Variants in PREPL observed in about 807,000 individuals in gnomAD.
The protein encoded by PREPL is prolyl endopeptidase like.
Under a neutral mutation model 70.6 loss-of-function variants are expected in PREPL, and 77 were observed. The observed-to-expected ratio is 1.09, with a 90% CI of 0.91 to 1.32. PREPL has a LOEUF of 1.32. Among genes scored for constraint, PREPL ranks in the 40% most tolerant of loss-of-function variants. The pLI, the probability that PREPL is intolerant of heterozygous loss-of-function variation, is 0.00. For synonymous variants in PREPL, 315 were observed against 264.8 expected (o/e 1.19, Z -1.84); for missense variants, 1,002 against 778.2 (o/e 1.29, Z -3.42).
intron 10 of PREPL, among the ~76,000 whole-genome samples, chr2:44,325,086 T>G (rs773337214): frequency 6.6e-6 from 1 of 152,166 alleles, no homozygotes; most frequent in Non-Finnish European, 1.5e-5. Flanking sequence ...TTTTTTGCAT[T>G]TGAAAAACCT....
Position 44,332,625 on chromosome 2 carries a change from T to A in PREPL, c.920A>T (p.Asp307Val), listed in dbSNP as rs1674235649. Residue 307 changes from aspartate (D) to valine (V), a missense_variant, in exon 8 of 14, where the codon GAT becomes GTT. By Grantham distance (152) the Asp-to-Val change is radical. Transcript: ENST00000409411. ...LPPWACGFIM[D>V]TNSDPKNCPF... is the part of the protein sequence containing the mutation. ...GCAGTTCTTTGGGTCAGAATTTGTA[T>A]CCATTATGAATCCACAGGCCCAAGG... 4.3e-6 allele frequency: 7 copies of A among 1,613,868 alleles called. No homozygotes were observed. The highest frequency in any genetic ancestry group is 1.3e-5 in the African/African-American group (1 of 75,036).
intron 1 of PREPL, among the ~76,000 whole-genome samples, chr2:44,359,067 C>CTTTTTT (rs35700374): frequency 2.1e-5 from 2 of 94,494 alleles, no homozygotes; most frequent in African/African-American, 4.1e-5. Context: ...TATGTATACA[C>CTTTTTT]TTTTTTTTTT....
intron 11 of PREPL, 144 bp from the exon 12 acceptor site, chr2:44,322,998 G>T (rs1673133148): frequency 1.7e-6 from 2 of 1,149,564 alleles, no homozygotes; most frequent in Non-Finnish European, 2.4e-6. Context: ...GAGCGCCTCA[G>T]TATTACAGTA....
Position 44,343,970 on chromosome 2 carries a change from G to A in PREPL, c.143-19C>T, listed in dbSNP as rs10514790. On this transcript the variant is annotated intron_variant, in intron 3 of 13. Transcript: ENST00000409411. ...TTGTCTGCTGTATAAAGAAAAATAC[G>A]AAAGTGATAACTTCAAAGGATGTAC... 92,525 of 1,607,252 alleles carry A rather than the reference G, an allele frequency of 0.058. 3,126 individuals are homozygous for A. The highest frequency in any genetic ancestry group is 0.12 in the South Asian group (10,747 of 89,836).
At chr2:44,324,471 G>C (rs1168015585) in intron 10 of PREPL, among the ~76,000 whole-genome samples, 2 of 151,994 alleles carry the variant, frequency 1.3e-5, no homozygotes, top group Non-Finnish European at 2.9e-5. Context: ...TGACCAGTTG[G>C]ACATTTTATA....
chr2:44,336,073 T>C (rs1422912281), intron 7 of PREPL, among the ~76,000 whole-genome samples: 2 of 152,038 alleles, frequency 1.3e-5, no homozygotes, highest in Non-Finnish European at 1.5e-5. Flanking sequence ...GGTGAGGCTG[T>C]AGAAAAAAGG....
At position 44,319,525 on chromosome 2, in the gene PREPL, C is replaced by T. The variant is rs1289437424; in HGVS notation, c.*1831G>A. On this transcript the variant is annotated 3_prime_UTR_variant, in exon 14 of 14. Transcript: ENST00000409411. ...GGAGGCTATATTATATAGTCAATAA[C>T]AGAAAATGCTTGAAAGGTTAGAAGT... 1.3e-5 allele frequency: 2 copies of T among 152,202 alleles called. No individual in the cohort carries two copies. Among genetic ancestry groups the T allele is most frequent in the East Asian group, 3.8e-4 (2 of 5,210 alleles). The allele number at this position is 152,202 out of a possible 1,614,324, so 9.4% of individuals were successfully genotyped here.
chr2:44,324,841 C>T (rs534258632), intron 10 of PREPL, among the ~76,000 whole-genome samples: 9 of 152,058 alleles, frequency 5.9e-5, no homozygotes, highest in African/African-American at 9.7e-5. Flanking sequence ...GAGCTGTGTT[C>T]GTGTGCCATT....
intron 1 of PREPL, among the ~76,000 whole-genome samples, chr2:44,358,802 G>C (rs1048485871): frequency 2.6e-5 from 4 of 151,984 alleles, no homozygotes; most frequent in African/African-American, 4.8e-5. Context: ...GGTCAAAAAC[G>C]CAAGATTATT....
At chr2:44,350,787 A>C (rs527932068) in intron 1 of PREPL, among the ~76,000 whole-genome samples, 58 of 152,196 alleles carry the variant, frequency 3.8e-4, no homozygotes, top group Non-Finnish European at 7.1e-4. Flanking sequence ...TGCAAAAGTT[A>C]ATGTTCAGTA....
intron 9 of PREPL, among the ~76,000 whole-genome samples, chr2:44,327,328 T>C (rs1673614028): frequency 6.6e-6 from 1 of 152,128 alleles, no homozygotes; most frequent in Non-Finnish European, 1.5e-5. Context: ...CAATGTGGTG[T>C]CATTGCTACA....
chr2:44,322,360 T>A (rs539685734), intron 12 of PREPL, among the ~76,000 whole-genome samples: 2 of 152,192 alleles, frequency 1.3e-5, no homozygotes, highest in South Asian at 4.1e-4. Context: ...TGGGCACTGA[T>A]GGCCCAAAAC....
chr2:44,320,154 T>C lies in PREPL; in HGVS notation c.*1202A>G, dbSNP rs1420104937. On this transcript the variant is annotated 3_prime_UTR_variant, in exon 14 of 14. Transcript: ENST00000409411. The stretch of plus-strand genomic sequence containing the variant: ...ATATATTAAAAATACTTACAAACAA[T>C]TCTTAGAATCAAACACTTACGTAAA... The C allele has an allele frequency of 6.7e-7, 1 of 1,486,444 alleles. No homozygotes were observed. Among genetic ancestry groups the C allele is most frequent in the Non-Finnish European group, 9.3e-7 (1 of 1,074,242 alleles). 92.1% of individuals were successfully genotyped at this position (1,486,444 alleles called of 1,614,324 possible).
intron 1 of PREPL, among the ~76,000 whole-genome samples, chr2:44,354,835 C>A (rs3785943): frequency 6.6e-6 from 1 of 152,202 alleles, no homozygotes; most frequent in Non-Finnish European, 1.5e-5. Flanking sequence ...CCTCAGCCTC[C>A]CAAAGTGCTA....
intron 3 of PREPL, 46 bp downstream of exon 3, chr2:44,344,474 T>C (rs780568878): frequency 7.8e-6 from 10 of 1,278,440 alleles, no homozygotes; most frequent in Non-Finnish European, 2.2e-6. Context: ...ATAAAAAATA[T>C]GAAATCTGAA....
chr2:44,359,652 A>AT (rs1313592492), intron 1 of PREPL: 1 of 1,613,494 alleles, frequency 6.2e-7, no homozygotes. Context: ...TTCTGCATGC[A>AT]TTTTCCAAGG....
At chr2:44,326,496 T>TA (rs965262291) in intron 10 of PREPL, among the ~76,000 whole-genome samples, 1 of 127,520 alleles carries the variant, frequency 7.8e-6, no homozygotes, top group African/African-American at 3.4e-5. Flanking sequence ...CCTGGGTAGG[T>TA]TTTTTTTTTT....
At position 44,330,938 on chromosome 2, in the gene PREPL, T is replaced by C. The variant is rs149480007; in HGVS notation, c.1086+1521A>G. Among the ~76,000 whole-genome samples, 80 of 152,248 alleles carry C rather than the reference T, an allele frequency of 5.3e-4. 1 individual carries two copies. The highest frequency in any genetic ancestry group is 1.9e-3 in the African/African-American group (79 of 41,532). ...TTACTTGATTTTGGCCATAATGGCCTCCTTTATATTTGTTCTTTTTCTGAG... is the reference window on the plus strand; with the variant it reads ...TTACTTGATTTTGGCCATAATGGCCCCCTTTATATTTGTTCTTTTTCTGAG... On this transcript the variant is annotated intron_variant, in intron 8 of 13. Coordinates refer to ENST00000409411, the MANE Select transcript of PREPL (RefSeq NM_001171613.2).
chr2:44,354,777 A>C (rs1196824546), intron 1 of PREPL, among the ~76,000 whole-genome samples: 1 of 152,182 alleles, frequency 6.6e-6, no homozygotes, highest in African/African-American at 2.4e-5. Flanking sequence ...GGGTTCTGCC[A>C]TGTTGGTCAG....
Sources: allele counts gnomAD v4.1 joint callset (sites outside exome capture counted in the v4.1 genomes callset), GRCh38; gene constraint gnomAD v4.1.1; transcripts MANE v1.5; gene names NCBI Gene and HGNC (gene_info 2026-07-23, HGNC 2026-07-21).